ZNF93: variants seen among roughly 807,000 people sequenced by gnomAD.
The protein encoded by ZNF93 is zinc finger protein 505.
Under a neutral mutation model 45.0 loss-of-function variants are expected in ZNF93, and 29 were observed. The ratio of observed to expected loss-of-function variants is 0.64; its 90% CI spans 0.48 to 0.88. The LOEUF is 0.88. Among genes scored for constraint, ZNF93 ranks in the 40% least tolerant of loss-of-function variants. The probability of loss-of-function intolerance (pLI) is 0.00; values close to 1 mark genes in which losing one functional copy is unlikely to be tolerated. For missense variants in ZNF93, 578 were observed against 724.0 expected (o/e 0.80, Z 2.31); for synonymous variants, 223 against 244.6 (o/e 0.91, Z 0.82).
At chr19:19,931,865 C>A in intron 3 of ZNF93, 1 of 211,674 alleles carries the variant, frequency 4.7e-6, no homozygotes, top group Non-Finnish European at 9.7e-6. Context: ...TAGTAATCAT[C>A]TCAAAAACTG....
Position 19,933,863 on chromosome 19 carries a change from A to G in ZNF93, c.908A>G (p.His303Arg), listed in dbSNP as rs1488854006. ...AACCAATCCTCAACACTTACTAAAC[A>G]TAAGAAAATTCATACTGGAGAGAAG... Reference protein sequence around the residue: ...AFNQSSTLTKHKKIHTGEKPY... With the variant: ...AFNQSSTLTKRKKIHTGEKPY... The change falls in exon 4 of 4, where the codon CAT (histidine) becomes CGT (arginine). Residue 303 changes from histidine (H) to arginine (R), a missense_variant. Physicochemically the swap from His to Arg is conservative, Grantham distance 29 (BLOSUM62 0). This residue lies in a region of ZNF93 where 446 missense variants were observed against 547.6 expected (regional missense o/e 0.81). Coordinates refer to ENST00000343769, the MANE Select transcript of ZNF93 (RefSeq NM_031218.4). 3.7e-6 allele frequency: 6 copies of G among 1,613,200 alleles called. No individual in the cohort carries two copies. Among genetic ancestry groups the G allele is most frequent in the Non-Finnish European group, 5.1e-6 (6 of 1,179,908 alleles).
At chr19:19,929,937 C>CAAAAAA (rs71172547) in intron 3 of ZNF93, among the ~76,000 whole-genome samples, 25 of 57,682 alleles carry the variant, frequency 4.3e-4, no homozygotes, top group African/African-American at 1.3e-3. Flanking sequence ...GACTCCGTCT[C>CAAAAAA]AAAAAAAAAA....
intron 3 of ZNF93, 33 bp from the exon 4 acceptor site, chr19:19,933,149 A>G (rs1006300736): frequency 1.4e-6 from 2 of 1,434,964 alleles, no homozygotes; most frequent in Non-Finnish European, 1.9e-6. Context: ...GAGTCTAGCA[A>G]TTGAAGTAAT....
In ZNF93 at chr19:19,933,772, A is replaced by G. The variant is rs2063382594; in HGVS notation, c.817A>G (p.Thr273Ala). ...GKAFNQSSTL[T>A]KHKKIHTGEK... is the part of the protein sequence containing the mutation. ...AGCTTTTAACCAATCCTCGACACTT[A>G]CTAAACATAAGAAAATTCATACTGG... Residue 273 changes from threonine (T) to alanine (A), a missense_variant, in exon 4 of 4, where the codon ACT becomes GCT. Thr to Ala is a moderately conservative substitution (Grantham distance 58, BLOSUM62 0). Transcript: ENST00000343769. The G allele has an allele frequency of 6.2e-7, 1 of 1,612,998 alleles. No individual in the cohort carries two copies.
chr19:19,908,843 C>CA (rs35508249), intron 1 of ZNF93: 39,048 of 73,022 alleles, frequency 0.53, 14,863 homozygotes, highest in Non-Finnish European at 0.73. Context: ...AACTCCGTCT[C>CA]AAAAAAAAAA....
chr19:19,913,525 A>C (rs745395434), intron 1 of ZNF93, among the ~76,000 whole-genome samples: 3 of 152,180 alleles, frequency 2.0e-5, no homozygotes, highest in Non-Finnish European at 4.4e-5. Flanking sequence ...AGGGACAGGT[A>C]AGTGTGGTGC....
intron 2 of ZNF93, among the ~76,000 whole-genome samples, chr19:19,915,677 C>CG (rs1203822918): frequency 6.6e-6 from 1 of 152,016 alleles, no homozygotes; most frequent in Non-Finnish European, 1.5e-5. Flanking sequence ...CCCATCTCTA[C>CG]TAAAAATACA....
intron 1 of ZNF93, among the ~76,000 whole-genome samples, chr19:19,901,653 C>A (rs2063271912): frequency 6.6e-6 from 1 of 151,934 alleles, no homozygotes; most frequent in South Asian, 2.1e-4. Flanking sequence ...CCTTCTTTTT[C>A]CCCATTCTCC....
chr19:19,933,191 C>T lies in ZNF93; in HGVS notation c.236C>T (p.Ser79Phe). ...EMVANPSVIC[S>F]HFAQDLWPEQ... ...TTATTGTTTCTTTCAGTTATATGTT[C>T]TCATTTTGCCCAAGATCTTTGGCCA... The change falls in exon 4 of 4, where the codon TCT becomes TTT. Residue 79 changes from serine (S) to phenylalanine (F), a missense_variant. Ser to Phe is a radical substitution (Grantham distance 155). This residue lies in a region of ZNF93 where 446 missense variants were observed against 547.6 expected (regional missense o/e 0.81). Transcript: ENST00000343769. 1.3e-6 allele frequency: 2 copies of T among 1,521,032 alleles called. No individual in the cohort carries two copies. Among genetic ancestry groups the T allele is most frequent in the East Asian group, 2.3e-5 (1 of 43,340 alleles). 94.2% of individuals were successfully genotyped at this position (1,521,032 alleles called of 1,614,324 possible).
intron 3 of ZNF93, among the ~76,000 whole-genome samples, chr19:19,924,443 A>G (rs764980942): frequency 1.4e-4 from 21 of 152,150 alleles, no homozygotes; most frequent in Non-Finnish European, 2.2e-4. Context: ...CTAGTGCTAC[A>G]TTCAAATAGA....
At chr19:19,918,923 GT>G (rs543275965) in intron 3 of ZNF93, among the ~76,000 whole-genome samples, 11 of 148,470 alleles carry the variant, frequency 7.4e-5, no homozygotes, top group Non-Finnish European at 9.0e-5. Context: ...TCTGATGGTA[GT>G]TTTTTTTTTG....
At chr19:19,918,038 T>C (rs2063330017) in intron 3 of ZNF93, among the ~76,000 whole-genome samples, 1 of 151,990 alleles carries the variant, frequency 6.6e-6, no homozygotes, top group Non-Finnish European at 1.5e-5. Flanking sequence ...GCCATGTTGG[T>C]GTGCTGCACC....
intron 3 of ZNF93, among the ~76,000 whole-genome samples, chr19:19,925,023 T>C (rs2122187401): frequency 6.6e-6 from 1 of 152,324 alleles, no homozygotes; most frequent in South Asian, 2.1e-4. Context: ...TGGCTGTACA[T>C]GGATGCCTTT....
intron 3 of ZNF93, among the ~76,000 whole-genome samples, chr19:19,921,031 G>A (rs1046632488): frequency 6.6e-6 from 1 of 152,124 alleles, no homozygotes; most frequent in Non-Finnish European, 1.5e-5. Context: ...TAATTGTGAT[G>A]TTAGGGTGTC....
intron 3 of ZNF93, among the ~76,000 whole-genome samples, chr19:19,920,849 T>C (rs1002654533): frequency 6.6e-6 from 1 of 152,196 alleles, no homozygotes; most frequent in Admixed American, 6.5e-5. Context: ...TTCATTAGTC[T>C]TGCTAGCGGT....
Position 19,925,838 on chromosome 19 carries a change from CTT to C in ZNF93, c.227-7342_227-7341del, listed in dbSNP as rs915782810. ...CTTTATTTAAAAATGTAAGACTACT[CTT>C]TGCTTCTAAAATTGGATTACAGCAG... is the stretch of plus-strand genomic sequence containing the variant. On this transcript the variant is annotated intron_variant, in intron 3 of 3. Coordinates refer to ENST00000343769, the MANE Select transcript of ZNF93 (RefSeq NM_031218.4). Among the ~76,000 whole-genome samples, 6 of 152,150 alleles carry C rather than the reference CTT, an allele frequency of 3.9e-5. No individual in the cohort carries two copies. The East Asian group carries it at 9.6e-4, about 24-fold the overall frequency.
chr19:19,912,501 GTGTT>G (rs969059644), intron 1 of ZNF93, among the ~76,000 whole-genome samples: 7 of 151,742 alleles, frequency 4.6e-5, no homozygotes, highest in African/African-American at 1.7e-4. Context: ...GTTTTGTAAG[GTGTT>G]TGTTTTTAAA....
chr19:19,934,147 A>G lies in ZNF93; in HGVS notation c.1192A>G (p.Lys398Glu), dbSNP rs895599208. The change falls in exon 4 of 4, where the codon AAA becomes GAA. Residue 398 changes from lysine (K) to glutamate (E), a missense_variant. This residue lies in a region of ZNF93 where 446 missense variants were observed against 547.6 expected (regional missense o/e 0.81). Transcript: ENST00000343769. ...KRVHTGEKPY[K>E]CEECGKAFKY... ...AGTTCATACTGGAGAGAAGCCCTAC[A>G]AATGTGAAGAATGTGGCAAAGCCTT... 6.2e-7 allele frequency: 1 copy of G among 1,610,714 alleles called. No individual in the cohort carries two copies. The highest frequency in any genetic ancestry group is 2.3e-5 in the East Asian group (1 of 44,312).
intron 3 of ZNF93, among the ~76,000 whole-genome samples, chr19:19,923,521 T>A (rs1255907344): frequency 6.6e-6 from 1 of 152,028 alleles, no homozygotes; most frequent in Non-Finnish European, 1.5e-5. Flanking sequence ...AGAGGTGGAG[T>A]CTACAGAGGC....
Sources: allele counts gnomAD v4.1 joint callset (sites outside exome capture counted in the v4.1 genomes callset), GRCh38; gene constraint gnomAD v4.1.1; regional missense constraint gnomAD v4.1.1; transcripts MANE v1.5; gene names NCBI Gene and HGNC (gene_info 2026-07-23, HGNC 2026-07-21).